PCNX2: variants seen among roughly 807,000 people sequenced by gnomAD.
PCNX2 encodes pecanex-like protein 2.
PCNX2 carries 168 observed loss-of-function variants against 223.8 expected under a neutral mutation model. That is an observed-to-expected ratio of 0.75 (90% CI 0.66 to 0.85). The LOEUF is 0.85. Among genes scored for constraint, PCNX2 ranks in the 40% least tolerant of loss-of-function variants. PCNX2 has a pLI of 0.00. For missense variants in PCNX2, 2,507 were observed against 2,675.5 expected (o/e 0.94, Z 1.39); for synonymous variants, 1,006 against 1,052.6 (o/e 0.96, Z 0.86).
intron 19 of PCNX2, among the ~76,000 whole-genome samples, chr1:233,154,963 G>C (rs1259797682): frequency 6.6e-6 from 1 of 151,504 alleles, no homozygotes; most frequent in African/African-American, 2.4e-5. Flanking sequence ...CAGCTAGTAG[G>C]GCAGCTGAGG....
At chr1:233,241,088 T>C in intron 8 of PCNX2, 2 of 791,524 alleles carry the variant, frequency 2.5e-6, no homozygotes, top group Non-Finnish European at 1.5e-6. Flanking sequence ...ATGTTCAACA[T>C]GTAGGATGTT....
At chr1:233,108,753 A>C (rs1042936597) in intron 21 of PCNX2, among the ~76,000 whole-genome samples, 3 of 152,148 alleles carry the variant, frequency 2.0e-5, no homozygotes, top group Admixed American at 6.5e-5. Context: ...TAAAAATGAG[A>C]AACTCTCCTT....
At chr1:233,079,073 T>G (rs1194395812) in intron 23 of PCNX2, among the ~76,000 whole-genome samples, 3 of 152,172 alleles carry the variant, frequency 2.0e-5, no homozygotes, top group African/African-American at 4.8e-5. Flanking sequence ...ACAGGGCACC[T>G]TGGTGATTGG....
chr1:233,040,317 A>G (rs1484777398), intron 25 of PCNX2, among the ~76,000 whole-genome samples: 1 of 152,228 alleles, frequency 6.6e-6, no homozygotes, highest in Admixed American at 6.5e-5. Flanking sequence ...CTTTCCACGC[A>G]CATGACCCAG....
Position 233,295,314 on chromosome 1 carries a change from C to A in PCNX2, c.153+12G>T. The A allele has an allele frequency of 6.4e-7, 1 of 1,574,100 alleles. No homozygotes were observed. ...ACCCACAGCTCCCCGGGACCGGACC[C>A]TCCCCACTCACCAGGTGCAGGGCCA... On this transcript the variant is annotated intron_variant, in intron 1 of 33. Transcript: ENST00000258229. This position sits in a 1 kb window ranked among gnomAD's most constrained non-coding sequence, Gnocchi z 4.1.
intron 26 of PCNX2, chr1:233,019,234 T>G (rs2102823871): frequency 1.0e-6 from 1 of 982,358 alleles, no homozygotes; most frequent in Non-Finnish European, 1.2e-6. Flanking sequence ...GCTGATGCTC[T>G]CCCTTCTTTT....
intron 25 of PCNX2, among the ~76,000 whole-genome samples, chr1:233,049,408 GA>G (rs1271906690): frequency 4.6e-5 from 7 of 152,064 alleles, no homozygotes; most frequent in East Asian, 1.9e-4. Context: ...CACTAGACAT[GA>G]AAAAAACCTT....
intron 28 of PCNX2, among the ~76,000 whole-genome samples, chr1:233,010,466 C>T (rs947961625): frequency 1.3e-5 from 2 of 152,238 alleles, no homozygotes; most frequent in African/African-American, 4.8e-5. Context: ...AAACCTGTTG[C>T]TTCTATAAAA....
chr1:233,132,896 T>A (rs1676582180), intron 21 of PCNX2, among the ~76,000 whole-genome samples: 1 of 147,872 alleles, frequency 6.8e-6, no homozygotes, highest in African/African-American at 2.5e-5. Context: ...TTACATCTTT[T>A]TTTTTTTTTT....
rs1363301023 is a variant in PCNX2, at chr1:233,001,516, ATAAAT to A, written c.5097+16_5097+20del. 1 of 1,252,020 alleles carries A rather than the reference ATAAAT, an allele frequency of 8.0e-7. No homozygotes were observed. The highest frequency in any genetic ancestry group is 1.6e-5 in the African/African-American group (1 of 63,328). The allele number at this position is 1,252,020 out of a possible 1,614,324, so 77.6% of individuals were successfully genotyped here. A position where few individuals can be genotyped will look rare whatever the true frequency, so the allele number is the denominator to read the frequency against. The stretch of plus-strand genomic sequence containing the variant: ...AATAAATAAATAAATAAATAAATAA[ATAAAT>A]AAAATAGGTTTTTACCTGGTGAAGT... On this transcript the variant is annotated intron_variant, in intron 29 of 33. Coordinates refer to ENST00000258229, the MANE Select transcript of PCNX2 (RefSeq NM_014801.4). This position sits in a 1 kb window ranked among gnomAD's most constrained non-coding sequence, Gnocchi z 4.2.
intron 23 of PCNX2, among the ~76,000 whole-genome samples, chr1:233,078,870 A>G (rs1572078929): frequency 1.3e-5 from 2 of 152,344 alleles, no homozygotes; most frequent in East Asian, 3.9e-4. Flanking sequence ...TTTCTGGAAT[A>G]TATGTGTATA....
At chr1:233,207,749 T>G (rs999293809) in intron 13 of PCNX2, among the ~76,000 whole-genome samples, 1 of 152,084 alleles carries the variant, frequency 6.6e-6, no homozygotes, top group African/African-American at 2.4e-5. Context: ...CTCAAAACCA[T>G]ACAGTATGCA....
At chr1:233,086,322 T>C (rs1327434673) in intron 23 of PCNX2, among the ~76,000 whole-genome samples, 1 of 152,266 alleles carries the variant, frequency 6.6e-6, no homozygotes, top group South Asian at 2.1e-4. Context: ...CCATCACAGG[T>C]GGCTATTTAA....
At chr1:233,003,960 C>T (rs913325498) in intron 28 of PCNX2, among the ~76,000 whole-genome samples, 14 of 152,080 alleles carry the variant, frequency 9.2e-5, no homozygotes, top group Admixed American at 4.6e-4. Context: ...AACGAGAACA[C>T]ATGAACACAG....
chr1:233,056,456 T>C (rs1277750378), intron 24 of PCNX2, among the ~76,000 whole-genome samples: 1 of 152,214 alleles, frequency 6.6e-6, no homozygotes, highest in Non-Finnish European at 1.5e-5. Context: ...CTTGTATCAA[T>C]AGCCTTGTAA....
chr1:233,028,654 C>T (rs747627256), intron 25 of PCNX2, among the ~76,000 whole-genome samples: 4 of 152,132 alleles, frequency 2.6e-5, no homozygotes, highest in Non-Finnish European at 4.4e-5. Context: ...ATAGTTAAAA[C>T]ATCTCTTGTA....
At chr1:233,298,327 G>A (rs1486719775), upstream of PCNX2, among the ~76,000 whole-genome samples, 1 of 152,178 alleles carries the variant, frequency 6.6e-6, no homozygotes, top group Non-Finnish European at 1.5e-5. Flanking sequence ...AAGAGGCCAA[G>A]TACAAAGGTT....
chr1:233,162,565 A>G (rs767390270), intron 17 of PCNX2, among the ~76,000 whole-genome samples: 3 of 152,212 alleles, frequency 2.0e-5, no homozygotes, highest in African/African-American at 4.8e-5. Context: ...AGTGATAACC[A>G]TAGGAATTTA....
intron 21 of PCNX2, among the ~76,000 whole-genome samples, chr1:233,118,987 G>T (rs184348982): frequency 1.4e-4 from 22 of 152,224 alleles, no homozygotes; most frequent in African/African-American, 5.1e-4. Flanking sequence ...AGACTTCTTG[G>T]TATTGGTGAA....
Sources: allele counts gnomAD v4.1 joint callset (sites outside exome capture counted in the v4.1 genomes callset), GRCh38; gene constraint gnomAD v4.1.1; non-coding constraint Gnocchi (gnomAD v3.1); transcripts MANE v1.5; gene names NCBI Gene and HGNC (gene_info 2026-07-23, HGNC 2026-07-21).